Variants in PRKACB observed in about 807,000 individuals in gnomAD.
The protein encoded by PRKACB is protein kinase cAMP-activated catalytic subunit beta, also known as cAMP-dependent protein kinase catalytic subunit beta.
A neutral mutation model predicts 51.4 loss-of-function variants in PRKACB; 16 were observed. The ratio of observed to expected loss-of-function variants is 0.31; its 90% CI spans 0.21 to 0.47. The LOEUF is 0.47. Ranked by LOEUF, PRKACB falls within the 20% of genes least tolerant of loss-of-function variation. The pLI is 1.00. For missense variants in PRKACB, 309 were observed against 464.5 expected (o/e 0.67, Z 3.08); for synonymous variants, 147 against 154.4 (o/e 0.95, Z 0.35).
At chr1:84,156,845 T>G (rs1358748264) in intron 1 of PRKACB, among the ~76,000 whole-genome samples, 1 of 152,162 alleles carries the variant, frequency 6.6e-6, no homozygotes, top group African/African-American at 2.4e-5. Context: ...AAAAATGGGT[T>G]GCACTGAATA....
At chr1:84,090,389 C>T (rs530013197) in intron 1 of PRKACB, among the ~76,000 whole-genome samples, 24 of 152,282 alleles carry the variant, frequency 1.6e-4, no homozygotes, top group Non-Finnish European at 3.5e-4. Context: ...TTCCATCATG[C>T]AGGACTCCTA....
chr1:84,230,713 T>C (rs1442417736), intron 9 of PRKACB, among the ~76,000 whole-genome samples: 1 of 149,266 alleles, frequency 6.7e-6, no homozygotes, highest in Non-Finnish European at 1.5e-5. Context: ...GGGAGTTCAC[T>C]CATGATTTGG....
At chr1:84,142,626 A>C (rs1653531841), upstream of PRKACB, among the ~76,000 whole-genome samples, 1 of 152,216 alleles carries the variant, frequency 6.6e-6, no homozygotes, top group Non-Finnish European at 1.5e-5. Context: ...AAGTATACAG[A>C]AATGAGCTGT....
chr1:84,115,641 G>A (rs991499039), intron 1 of PRKACB, among the ~76,000 whole-genome samples: 1 of 151,816 alleles, frequency 6.6e-6, no homozygotes, highest in African/African-American at 2.4e-5. Context: ...TCAGCACTTT[G>A]GGAGGCCAAG....
At chr1:84,180,206 A>ATG (rs1553173785) in intron 2 of PRKACB, among the ~76,000 whole-genome samples, 8 of 127,148 alleles carry the variant, frequency 6.3e-5, no homozygotes, top group African/African-American at 2.2e-4. Flanking sequence ...ATATATATAT[A>ATG]TATGTATGAT....
chr1:84,185,172 G>A lies in PRKACB; in HGVS notation c.550G>A (p.Gly184Arg). ...AATGTTTTCACATCTAAGAAGAATT[G>A]GAAGGTTCAGGTAACTAATGGTTTT... ...GEMFSHLRRI[G>R]RFSEPHARFY... is the part of the protein sequence containing the mutation. The change falls in exon 5 of 10, where the codon GGA (glycine) becomes AGA (arginine). Residue 184 changes from glycine to arginine, a missense_variant. Gly to Arg is a moderately radical substitution (Grantham distance 125). This residue lies in a region of PRKACB where 60 missense variants were observed against 144.4 expected (regional missense o/e 0.42). Coordinates refer to ENST00000370685, the MANE Select transcript of PRKACB (RefSeq NM_182948.4). 6.6e-7 allele frequency: 1 copy of A among 1,507,958 alleles called. No individual in the cohort carries two copies. The highest frequency in any genetic ancestry group is 8.8e-7 in the Non-Finnish European group (1 of 1,131,128). 93.4% of individuals were successfully genotyped at this position (1,507,958 alleles called of 1,614,324 possible).
intron 1 of PRKACB, among the ~76,000 whole-genome samples, chr1:84,173,094 G>A (rs1255579244): frequency 6.6e-6 from 1 of 151,646 alleles, no homozygotes; most frequent in Non-Finnish European, 1.5e-5. Flanking sequence ...TCAAAGGACA[G>A]AAGATGATAA....
chr1:84,143,748 G>A (rs962006812), upstream of PRKACB, among the ~76,000 whole-genome samples: 2 of 152,116 alleles, frequency 1.3e-5, no homozygotes, highest in African/African-American at 4.8e-5. Context: ...GTATGTATTA[G>A]GCCTAAATCA....
At chr1:84,136,490 CCACA>C (rs60681226) in intron 1 of PRKACB, among the ~76,000 whole-genome samples, 38 of 146,724 alleles carry the variant, frequency 2.6e-4, no homozygotes, top group South Asian at 1.1e-3. Context: ...ACGGCCAAAA[CCACA>C]CACACACACA....
chr1:84,153,181 T>G (rs1655046027), intron 1 of PRKACB, among the ~76,000 whole-genome samples: 1 of 152,022 alleles, frequency 6.6e-6, no homozygotes, highest in Non-Finnish European at 1.5e-5. Flanking sequence ...ACCATTTTAT[T>G]TGGGTGCAGT....
intron 1 of PRKACB, among the ~76,000 whole-genome samples, chr1:84,131,904 G>C (rs547144677): frequency 6.6e-6 from 1 of 152,200 alleles, no homozygotes; most frequent in Non-Finnish European, 1.5e-5. Flanking sequence ...TTCTGATGAA[G>C]ATCCTGGAAA....
In PRKACB at chr1:84,112,194, A is replaced by G. The variant is rs111564986; in HGVS notation, c.46+33823A>G. Among the ~76,000 whole-genome samples the G allele has an allele frequency of 1.8e-3, 276 of 150,604 alleles. 1 individual carries two copies. Among genetic ancestry groups the G allele is most frequent in the African/African-American group, 6.4e-3 (264 of 41,012 alleles). ...AGCATTGGAGGCAAGTGTCCATTTC[A>G]TAATAGATGGTGTCCTAAGTTGGAC... On this transcript the variant is annotated intron_variant, in intron 1 of 8. Coordinates refer to the PRKACB transcript ENST00000370688.
intron 1 of PRKACB, among the ~76,000 whole-genome samples, chr1:84,117,732 T>A (rs527522546): frequency 2.3e-4 from 35 of 152,328 alleles, no homozygotes; most frequent in African/African-American, 7.2e-4. Flanking sequence ...GTTTGTCTTT[T>A]CAAAGAACTA....
At chr1:84,133,738 G>A (rs532396526) in intron 1 of PRKACB, among the ~76,000 whole-genome samples, 1 of 152,336 alleles carries the variant, frequency 6.6e-6, no homozygotes, top group Admixed American at 6.5e-5. Context: ...ACTGCCAGGA[G>A]CCAAACTCCA....
In PRKACB at chr1:84,189,255, T is replaced by C. The variant is rs185310818; in HGVS notation, c.560+4073T>C. 3.1e-3 allele frequency among the ~76,000 whole-genome samples: 477 copies of C among 151,548 alleles called. 5 individuals carry two copies. The highest frequency in any genetic ancestry group is 0.011 in the African/African-American group (456 of 41,364). On this transcript the variant is annotated intron_variant, in intron 5 of 9. Transcript: ENST00000370685. ...GAGTGTACACTGTGTTATAGAAAAA[T>C]ATGAACAAGAAGAGGACTATCTTGA...
At chr1:84,086,382 A>G in intron 1 of PRKACB, 1 of 600,682 alleles carries the variant, frequency 1.7e-6, no homozygotes, top group East Asian at 2.8e-5. Flanking sequence ...GGCCATCAGA[A>G]GATGGTGCTG....
chr1:84,087,292 A>G (rs2100758126), intron 1 of PRKACB, among the ~76,000 whole-genome samples: 1 of 152,360 alleles, frequency 6.6e-6, no homozygotes, highest in Middle Eastern at 3.4e-3. Flanking sequence ...TATAAAATCA[A>G]GTGGCATAGA....
At chr1:84,173,356 G>A (rs1201426065) in intron 1 of PRKACB, 1 of 1,570,590 alleles carries the variant, frequency 6.4e-7, no homozygotes, top group South Asian at 1.2e-5. Flanking sequence ...GCATCTGGTA[G>A]GAAAACCCCT....
chr1:84,235,497 C>A lies in PRKACB; in HGVS notation c.*192C>A. 1 of 648,218 alleles carries A rather than the reference C, an allele frequency of 1.5e-6. No individual in the cohort carries two copies. The highest frequency in any genetic ancestry group is 2.6e-6 in the Non-Finnish European group (1 of 389,562). 40.2% of individuals were successfully genotyped at this position (648,218 alleles called of 1,614,324 possible). ...ATGTAACAAGGCACCGCTAAGCAAG[C>A]ATTGTCTGTGCCATAACACAGTACT... is the stretch of plus-strand genomic sequence containing the variant. On this transcript the variant is annotated 3_prime_UTR_variant, in exon 10 of 10. Transcript: ENST00000370685.
Sources: allele counts gnomAD v4.1 joint callset (sites outside exome capture counted in the v4.1 genomes callset), GRCh38; gene constraint gnomAD v4.1.1; regional missense constraint gnomAD v4.1.1; transcripts MANE v1.5; gene names NCBI Gene and HGNC (gene_info 2026-07-23, HGNC 2026-07-21).